Variants in SNRPD2 observed in about 807,000 individuals in gnomAD.
SNRPD2 encodes the protein small nuclear ribonucleoprotein D2 polypeptide, also known as small nuclear ribonucleoprotein Sm D2.
SNRPD2 carries 1 observed loss-of-function variant against 11.5 expected under a neutral mutation model. The observed-to-expected ratio is 0.09, with a 90% CI of 0.03 to 0.41. The LOEUF (loss-of-function observed/expected upper bound fraction) is 0.41. SNRPD2 is among the 10% of genes least tolerant of loss of function. SNRPD2 has a pLI of 0.98. For synonymous variants in SNRPD2, 63 were observed against 61.5 expected (o/e 1.02, Z -0.12); for missense variants, 77 against 154.9 (o/e 0.50, Z 2.67).
Position 45,687,543 on chromosome 19 carries a change from C to T in SNRPD2, c.*10G>A, listed in dbSNP as rs750844325. ...CAGAGGAGTGAGTTCTGTCAACAGA[C>T]AGGCGGCCCCTACTTGCCGGCGATG... On this transcript the variant is annotated 3_prime_UTR_variant, in exon 3 of 3. Transcript: ENST00000342669. The surrounding 1 kb of genome is among the most constrained non-coding windows in gnomAD (Gnocchi z 4.1). 1.2e-6 allele frequency: 2 copies of T among 1,613,222 alleles called. No individual in the cohort carries two copies. Among genetic ancestry groups the T allele is most frequent in the East Asian group, 2.2e-5 (1 of 44,900 alleles).
In SNRPD2 at chr19:45,688,328, T is replaced by C. The variant is rs1050267212; in HGVS notation, c.182+59A>G. On this transcript the variant is annotated intron_variant, in intron 2 of 2. Coordinates refer to ENST00000342669, the MANE Select transcript of SNRPD2 (RefSeq NM_001384647.1). This position sits in a 1 kb window ranked among gnomAD's most constrained non-coding sequence, Gnocchi z 4.1. ...ACAGCTGTCTTTGAGCTCTTCAGAC[T>C]GGAGCTGGAGTGGCCTCTCCAGGCC... 1.6e-5 allele frequency: 23 copies of C among 1,455,384 alleles called. No homozygotes were observed. The highest frequency in any genetic ancestry group is 2.2e-5 in the Non-Finnish European group (23 of 1,044,206). The allele number at this position is 1,455,384 out of a possible 1,614,324, so 90.2% of individuals were successfully genotyped here.
chr19:45,691,815 C>T lies in SNRPD2; in HGVS notation c.2+72G>A, dbSNP rs1397812625. ...CCTGCCCCCCCCGCTCTGCTCAACC[C>T]TTCCCACACTCAATCGGTCAAATAT... On this transcript the variant is annotated intron_variant, in intron 1 of 2. Coordinates refer to ENST00000342669, the MANE Select transcript of SNRPD2 (RefSeq NM_001384647.1). The T allele has an allele frequency of 4.4e-6, 7 of 1,592,262 alleles. No individual in the cohort carries two copies. In the East Asian group the frequency reaches 1.6e-4, roughly 36 times the overall value.
chr19:45,689,637 GA>G (rs1967488269), intron 1 of SNRPD2, among the ~76,000 whole-genome samples: 1 of 152,222 alleles, frequency 6.6e-6, no homozygotes, highest in South Asian at 2.1e-4. Flanking sequence ...CTTGAACTCA[GA>G]GAGTCGGAGG....
At position 45,687,746 on chromosome 19, in the gene SNRPD2, G is replaced by A. The variant is rs1451063628; in HGVS notation, c.183-19C>T. The stretch of plus-strand genomic sequence containing the variant: ...GCAGTGCCTGGTGGGGAACAGGGAG[G>A]GGAGGCACTGGGCGTGAGGGGCGTG... On this transcript the variant is annotated intron_variant, in intron 2 of 2. Transcript: ENST00000342669. The surrounding 1 kb of genome is among the most constrained non-coding windows in gnomAD (Gnocchi z 4.1). The A allele has an allele frequency of 1.2e-6, 2 of 1,607,718 alleles. No individual in the cohort carries two copies. Among genetic ancestry groups the A allele is most frequent in the South Asian group, 2.2e-5 (2 of 90,894 alleles).
At chr19:45,692,280 C>T (rs2146120411), upstream of SNRPD2, 3 of 367,044 alleles carry the variant, frequency 8.2e-6, no homozygotes, top group South Asian at 6.3e-5. Flanking sequence ...CTCCTCGCTT[C>T]GGAGACAGGC....
At chr19:45,690,267 G>A (rs1967503172) in intron 1 of SNRPD2, among the ~76,000 whole-genome samples, 1 of 148,030 alleles carries the variant, frequency 6.8e-6, no homozygotes. Flanking sequence ...AGGGGGCGGA[G>A]GCTGCAGTGA....
intron 1 of SNRPD2, chr19:45,689,384 G>A: frequency 2.2e-6 from 1 of 451,158 alleles, no homozygotes; most frequent in Non-Finnish European, 4.5e-6. Context: ...AACCCTCCCA[G>A]GGTATGGGTA....
At position 45,688,577 on chromosome 19, in the gene SNRPD2, A is replaced by T; in HGVS notation, c.3-11T>A. The stretch of plus-strand genomic sequence containing the variant: ...TTGTTGAGGAGGCTCCTGCATGGAC[A>T]AACATGGAACCAATAAGTGAGAGAG... On this transcript the variant is annotated splice_polypyrimidine_tract_variant and intron_variant, in intron 1 of 2. Coordinates refer to ENST00000342669, the MANE Select transcript of SNRPD2 (RefSeq NM_001384647.1). The surrounding 1 kb of genome is among the most constrained non-coding windows in gnomAD (Gnocchi z 4.1). 1 of 1,611,374 alleles carries T rather than the reference A, an allele frequency of 6.2e-7. No individual in the cohort carries two copies. The highest frequency in any genetic ancestry group is 8.5e-7 in the Non-Finnish European group (1 of 1,177,600).
intron 1 of SNRPD2, among the ~76,000 whole-genome samples, chr19:45,690,086 C>T (rs909124540): frequency 2.0e-5 from 3 of 150,852 alleles, no homozygotes; most frequent in African/African-American, 7.3e-5. Context: ...AATCCCAGCA[C>T]TTTGGGAGGC....
chr19:45,690,821 G>A (rs1967522293), intron 1 of SNRPD2, among the ~76,000 whole-genome samples: 1 of 146,486 alleles, frequency 6.8e-6, no homozygotes, highest in Admixed American at 6.8e-5. Context: ...AACAGAGCAA[G>A]GCTCCGTCTC....
Position 45,688,893 on chromosome 19 carries a change from G to A in SNRPD2, c.3-327C>T, listed in dbSNP as rs569781913. On this transcript the variant is annotated intron_variant, in intron 1 of 2. Transcript: ENST00000342669. This position sits in a 1 kb window ranked among gnomAD's most constrained non-coding sequence, Gnocchi z 4.1. The stretch of plus-strand genomic sequence containing the variant: ...GACTACAGGCATGCACCACCTCCAC[G>A]CCCAGCTAATTTTTGTATTTTAGTA... Among the ~76,000 whole-genome samples the A allele has an allele frequency of 1.2e-4, 19 of 152,054 alleles. No homozygotes were observed. Among genetic ancestry groups the A allele is most frequent in the African/African-American group, 4.1e-4 (17 of 41,492 alleles).
At chr19:45,692,187 G>A (rs1967580105), upstream of SNRPD2, 3 of 522,494 alleles carry the variant, frequency 5.7e-6, no homozygotes, top group Non-Finnish European at 9.7e-6. Flanking sequence ...GAATGGTACA[G>A]GTTGAAGGAG....
At position 45,688,358 on chromosome 19, in the gene SNRPD2, G is replaced by A. The variant is rs1310868084; in HGVS notation, c.182+29C>T. 7 of 1,608,670 alleles carry A rather than the reference G, an allele frequency of 4.4e-6. No homozygotes were observed. The Admixed American group carries it at 8.4e-5, about 19-fold the overall frequency. On this transcript the variant is annotated intron_variant, in intron 2 of 2. Coordinates refer to ENST00000342669, the MANE Select transcript of SNRPD2 (RefSeq NM_001384647.1). This position sits in a 1 kb window ranked among gnomAD's most constrained non-coding sequence, Gnocchi z 4.1. ...CTGGAGTGGCCTCTCCAGGCCTGCGGAGAACACCTCCCAGGACCCAGCACT... is the reference window on the plus strand; with the variant it reads ...CTGGAGTGGCCTCTCCAGGCCTGCGAAGAACACCTCCCAGGACCCAGCACT...
At position 45,687,514 on chromosome 19, in the gene SNRPD2, AG is replaced by A. The variant is rs1441053131; in HGVS notation, c.*38del. On this transcript the variant is annotated 3_prime_UTR_variant, in exon 3 of 3. Transcript: ENST00000342669. The surrounding 1 kb of genome is among the most constrained non-coding windows in gnomAD (Gnocchi z 4.1). ...CAACACCAATGGCAGCGGTCTTCAT[AG>A]GACAGAGGAGTGAGTTCTGTCAACA... is the stretch of plus-strand genomic sequence containing the variant. 1 of 1,587,792 alleles carries A rather than the reference AG, an allele frequency of 6.3e-7. No homozygotes were observed. Among genetic ancestry groups the A allele is most frequent in the Non-Finnish European group, 8.6e-7 (1 of 1,157,260 alleles).
intron 1 of SNRPD2, among the ~76,000 whole-genome samples, chr19:45,691,203 T>C (rs1041579630): frequency 2.6e-5 from 4 of 152,144 alleles, no homozygotes; most frequent in Non-Finnish European, 5.9e-5. Context: ...CAATCTCGGC[T>C]CACTGCAACC....
chr19:45,691,686 T>A, intron 1 of SNRPD2: 1 of 700,970 alleles, frequency 1.4e-6, no homozygotes, highest in Non-Finnish European at 2.6e-6. Context: ...CGTTATCTGA[T>A]AAAGCTGTCC....
chr19:45,689,445 A>C (rs948618145), intron 1 of SNRPD2: 1 of 334,850 alleles, frequency 3.0e-6, no homozygotes, highest in African/African-American at 2.2e-5. Flanking sequence ...AGGTGGATTG[A>C]TCACTTGATG....
intron 1 of SNRPD2, among the ~76,000 whole-genome samples, chr19:45,690,248 G>A (rs930128896): frequency 3.5e-5 from 5 of 144,162 alleles, no homozygotes; most frequent in Non-Finnish European, 6.0e-5. Flanking sequence ...GGAGAATGGC[G>A]TGAACCCCAG....
chr19:45,692,112 G>A (rs544283399), upstream of SNRPD2: 14 of 1,111,968 alleles, frequency 1.3e-5, no homozygotes, highest in African/African-American at 1.9e-4. Flanking sequence ...AGAACCACAC[G>A]GGGGCAGATG....
Sources: allele counts gnomAD v4.1 joint callset (sites outside exome capture counted in the v4.1 genomes callset), GRCh38; gene constraint gnomAD v4.1.1; non-coding constraint Gnocchi (gnomAD v3.1); transcripts MANE v1.5; gene names NCBI Gene and HGNC (gene_info 2026-07-23, HGNC 2026-07-21).